RBFOX1: variants seen among roughly 807,000 people sequenced by gnomAD.
RBFOX1 encodes RNA binding fox-1 homolog 1.
A neutral mutation model predicts 57.7 loss-of-function variants in RBFOX1; 8 were observed. The ratio of observed to expected loss-of-function variants is 0.14; its 90% CI spans 0.08 to 0.25. The LOEUF (loss-of-function observed/expected upper bound fraction) is 0.25. Among genes scored for constraint, RBFOX1 ranks in the 10% least tolerant of loss-of-function variants. The probability of loss-of-function intolerance (pLI) is 1.00; values close to 1 mark genes in which losing one functional copy is unlikely to be tolerated. For missense variants in RBFOX1, 611 were observed against 548.5 expected, an observed-to-expected ratio of 1.11 and a Z score of -1.14; for synonymous variants, 326 against 222.4, an observed-to-expected ratio of 1.47 and a Z score of -4.15.
chr16:6,475,161 G>C (rs1187780054), intron 2 of RBFOX1, among the ~76,000 whole-genome samples: 1 of 152,084 alleles, frequency 6.6e-6, no homozygotes, highest in African/African-American at 2.4e-5. Context: ...AATAATGTTA[G>C]CTTTTCTGGT....
At chr16:6,972,505 T>G (rs2153571635) in intron 3 of RBFOX1, among the ~76,000 whole-genome samples, 1 of 152,288 alleles carries the variant, frequency 6.6e-6, no homozygotes, top group African/African-American at 2.4e-5. Flanking sequence ...ACATTTGGGT[T>G]GCCGCCACTT....
At chr16:6,347,122 G>C (rs1301834094) in intron 2 of RBFOX1, among the ~76,000 whole-genome samples, 1 of 152,178 alleles carries the variant, frequency 6.6e-6, no homozygotes, top group Non-Finnish European at 1.5e-5. Flanking sequence ...TTCTCTTCAA[G>C]AGTAAGTGGG....
intron 13 of RBFOX1, among the ~76,000 whole-genome samples, chr16:7,673,656 A>G (rs1315906124): frequency 6.6e-6 from 1 of 152,212 alleles, no homozygotes; most frequent in Non-Finnish European, 1.5e-5. Context: ...CTCAGTCCAC[A>G]TGAGTGGATC....
chr16:5,607,604 C>T (rs940168842), intron 3 of RBFOX1, among the ~76,000 whole-genome samples: 2 of 152,176 alleles, frequency 1.3e-5, no homozygotes, highest in East Asian at 1.9e-4. Flanking sequence ...GCCTAAAATA[C>T]AGTAGGTGCT....
chr16:7,167,186 G>C (rs7202078), intron 4 of RBFOX1, among the ~76,000 whole-genome samples: 2 of 150,750 alleles, frequency 1.3e-5, no homozygotes, highest in African/African-American at 2.5e-5. Flanking sequence ...GGATTTCTCC[G>C]TGTTGGCCAG....
chr16:7,519,780 T>A, intron 5 of RBFOX1: 2 of 914,590 alleles, frequency 2.2e-6, no homozygotes, highest in South Asian at 5.0e-5. Flanking sequence ...AAGGAGTTTA[T>A]GGCTTTGAAG....
intron 2 of RBFOX1, among the ~76,000 whole-genome samples, chr16:6,505,662 G>C (rs1218993972): frequency 1.3e-5 from 2 of 152,188 alleles, no homozygotes; most frequent in African/African-American, 2.4e-5. Context: ...TAAATGGACA[G>C]AGAAAACAGA....
intron 3 of RBFOX1, among the ~76,000 whole-genome samples, chr16:7,048,213 G>T (rs1003850186): frequency 1.3e-5 from 2 of 150,654 alleles, no homozygotes; most frequent in African/African-American, 4.9e-5. Context: ...AAAAAATTTA[G>T]TTATTTTTAT....
chr16:7,674,126 C>A (rs1341878423), intron 13 of RBFOX1, among the ~76,000 whole-genome samples: 1 of 152,142 alleles, frequency 6.6e-6, no homozygotes, highest in Non-Finnish European at 1.5e-5. Context: ...TGAGTTAATA[C>A]ACAACTCTTA....
intron 1 of RBFOX1, among the ~76,000 whole-genome samples, chr16:6,194,725 C>G (rs1450050790): frequency 6.6e-6 from 1 of 152,212 alleles, no homozygotes; most frequent in Non-Finnish European, 1.5e-5. Context: ...TCCAAATACT[C>G]TATCCCTATA....
intron 3 of RBFOX1, among the ~76,000 whole-genome samples, chr16:6,903,486 G>T (rs2068983996): frequency 6.6e-6 from 1 of 152,184 alleles, no homozygotes; most frequent in Admixed American, 6.5e-5. Flanking sequence ...CTAGTGTTCA[G>T]CAAGTGCTGG....
At chr16:5,773,852 C>T (rs1188739430) in intron 3 of RBFOX1, among the ~76,000 whole-genome samples, 1 of 152,032 alleles carries the variant, frequency 6.6e-6, no homozygotes, top group African/African-American at 2.4e-5. Flanking sequence ...TGAGCACTAC[C>T]ATGCCTGGCT....
At chr16:5,516,609 C>T (rs1468618492) in intron 2 of RBFOX1, among the ~76,000 whole-genome samples, 1 of 152,158 alleles carries the variant, frequency 6.6e-6, no homozygotes, top group Non-Finnish European at 1.5e-5. Flanking sequence ...ATCTTGATTC[C>T]TGATTTGGTT....
At chr16:6,919,409 C>T (rs945780710) in intron 3 of RBFOX1, among the ~76,000 whole-genome samples, 10 of 151,102 alleles carry the variant, frequency 6.6e-5, no homozygotes, top group African/African-American at 2.2e-4. Context: ...TTTTATAGAC[C>T]AAAAAATAAA....
rs187889512 is a variant in RBFOX1 at position 5,668,267 on chromosome 16, C to T, written c.318+69306C>T. On this transcript the variant is annotated intron_variant, in intron 3 of 19. Transcript: ENST00000641259. ...CTGCACTCCAGCCTGGGCAACAGAGCGAGACTCCATCTCAAAAACAACAAA... is the reference window on the plus strand; with the variant it reads ...CTGCACTCCAGCCTGGGCAACAGAGTGAGACTCCATCTCAAAAACAACAAA... Among the ~76,000 whole-genome samples the T allele has an allele frequency of 4.1e-3, 629 of 152,090 alleles. 13 individuals carry two copies. Among genetic ancestry groups the T allele is most frequent in the Admixed American group, 0.038 (583 of 15,260 alleles).
At chr16:6,407,946 C>G (rs929735391) in intron 2 of RBFOX1, among the ~76,000 whole-genome samples, 9 of 152,108 alleles carry the variant, frequency 5.9e-5, no homozygotes, top group African/African-American at 9.7e-5. Flanking sequence ...GTATTAAGAG[C>G]TGGAGGCTTT....
intron 3 of RBFOX1, among the ~76,000 whole-genome samples, chr16:6,959,290 C>T (rs776454346): frequency 1.3e-5 from 2 of 152,126 alleles, no homozygotes; most frequent in South Asian, 4.1e-4. Flanking sequence ...GGAGCCAGTA[C>T]AGTCATATTA....
At position 6,862,493 on chromosome 16, in the gene RBFOX1, A is replaced by G. The variant is rs143104663; in HGVS notation, c.-15-189564A>G. ...TTACAGTTACCTAGGAAAAGGAGCA[A>G]ACAGCTCTGCCTTGCCCAGGCAACC... On this transcript the variant is annotated intron_variant, in intron 3 of 15. Coordinates refer to ENST00000550418, the MANE Select transcript of RBFOX1 (RefSeq NM_018723.4). Among the ~76,000 whole-genome samples the G allele has an allele frequency of 1.1e-3, 161 of 152,338 alleles. 4 individuals carry two copies. Among genetic ancestry groups the G allele is most frequent in the Admixed American group, 5.5e-3 (84 of 15,308 alleles).
At chr16:7,552,959 A>G (rs1006832435) in intron 5 of RBFOX1, among the ~76,000 whole-genome samples, 1 of 152,092 alleles carries the variant, frequency 6.6e-6, no homozygotes, top group Admixed American at 6.5e-5. Context: ...CTGGGATTAC[A>G]GGTGTGAGCC....
Sources: allele counts gnomAD v4.1 joint callset (sites outside exome capture counted in the v4.1 genomes callset), GRCh38; gene constraint gnomAD v4.1.1; transcripts MANE v1.5; gene names NCBI Gene and HGNC (gene_info 2026-07-23, HGNC 2026-07-21).